Variants in EVL observed in about 807,000 individuals in gnomAD.
EVL encodes Enah/Vasp-like.
In EVL, 21 loss-of-function variants were observed where a neutral mutation model predicts 59.6. The observed-to-expected ratio is 0.35, with a 90% confidence interval of 0.25 to 0.51. EVL has a LOEUF of 0.51. Ranked by LOEUF, EVL falls within the 20% of genes least tolerant of loss-of-function variation. The pLI is 0.97. For synonymous variants in EVL, 198 were observed against 203.5 expected (o/e 0.97, Z 0.23); for missense variants, 462 against 546.6 (o/e 0.85, Z 1.54).
intron 1 of EVL, among the ~76,000 whole-genome samples, chr14:99,993,074 T>C (rs199612106): frequency 6.6e-6 from 1 of 150,870 alleles, no homozygotes; most frequent in Non-Finnish European, 1.5e-5. Flanking sequence ...TTTTTTTTTT[T>C]TGAGACGGAG....
chr14:100,101,835 T>C (rs1267967738), intron 3 of EVL, among the ~76,000 whole-genome samples: 2 of 152,130 alleles, frequency 1.3e-5, no homozygotes, highest in Non-Finnish European at 2.9e-5. Context: ...AACATTTTTA[T>C]TTGCATTTTT....
At chr14:100,106,458 A>C (rs1324470483) in intron 3 of EVL, 1 of 164,650 alleles carries the variant, frequency 6.1e-6, no homozygotes, top group Non-Finnish European at 1.3e-5. Context: ...CAGCAGCAGC[A>C]CTCCCAGTGG....
At chr14:100,006,441 C>T (rs1343018908) in intron 1 of EVL, among the ~76,000 whole-genome samples, 2 of 151,996 alleles carry the variant, frequency 1.3e-5, no homozygotes, top group African/African-American at 4.8e-5. Flanking sequence ...CCTGCCACCA[C>T]ACCTGGCTGG....
intron 3 of EVL, 147 bp from the exon 4 acceptor site, chr14:100,123,392 G>C: frequency 1.4e-6 from 1 of 695,356 alleles, no homozygotes; most frequent in Non-Finnish European, 2.5e-6. Flanking sequence ...GTGATGCACA[G>C]GTGTGAGTGA....
chr14:100,096,786 A>G (rs1885844201), intron 2 of EVL, among the ~76,000 whole-genome samples: 1 of 152,202 alleles, frequency 6.6e-6, no homozygotes, highest in Non-Finnish European at 1.5e-5. Flanking sequence ...AAGCACCTGA[A>G]TGTCTGGATT....
At chr14:100,070,230 T>C (rs75143963) in intron 1 of EVL, among the ~76,000 whole-genome samples, 2,137 of 152,204 alleles carry the variant, frequency 0.014, 53 homozygotes, top group African/African-American at 0.049. Context: ...ATCACACTAC[T>C]GCACTCCACC....
At chr14:99,998,783 A>G (rs974010365) in intron 1 of EVL, among the ~76,000 whole-genome samples, 8 of 152,150 alleles carry the variant, frequency 5.3e-5, no homozygotes, top group Non-Finnish European at 8.8e-5. Flanking sequence ...TATATGCATT[A>G]TATCATTTGA....
chr14:100,055,800 CT>C (rs1327542157), intron 1 of EVL, among the ~76,000 whole-genome samples: 3 of 128,692 alleles, frequency 2.3e-5, no homozygotes, highest in Admixed American at 1.5e-4. Context: ...TGTCTTTTTT[CT>C]TTTTTCTTTT....
In EVL at chr14:100,027,889, G is replaced by A. The variant is rs1036316770; in HGVS notation, c.5+55832G>A. Among the ~76,000 whole-genome samples, 6 of 152,226 alleles carry A rather than the reference G, an allele frequency of 3.9e-5. No homozygotes were observed. In the South Asian group the frequency reaches 6.2e-4, roughly 16 times the overall value. ...AGGGTTCCCACATGTTGGCCAGGCT[G>A]GTCTCAAACTCCTGACCTCAAGTGA... On this transcript the variant is annotated intron_variant, in intron 1 of 13. Coordinates refer to the EVL transcript ENST00000402714.
intron 3 of EVL, chr14:100,105,934 G>A (rs971294685): frequency 2.0e-5 from 3 of 152,264 alleles, no homozygotes; most frequent in African/African-American, 4.8e-5. Flanking sequence ...AGTCGGGGGA[G>A]AACCTGCCCT....
chr14:100,040,898 G>A (rs992441319), intron 1 of EVL, among the ~76,000 whole-genome samples: 2 of 152,150 alleles, frequency 1.3e-5, no homozygotes, highest in Non-Finnish European at 2.9e-5. Context: ...GTAGTTATTA[G>A]CACATTCCCC....
rs1368900140 is a variant in EVL at position 100,143,786 on chromosome 14, G to GGACA, written c.*50_*53dup. 3.1e-6 allele frequency: 5 copies of GGACA among 1,597,754 alleles called. No individual in the cohort carries two copies. In the Admixed American group the frequency reaches 8.5e-5, roughly 27 times the overall value. ...TTCGTCGAGCCCATCCGGCGACAGA[G>GGACA]GACAGCCAGAAGCCCAGCCAGCCCC... On this transcript the variant is annotated 3_prime_UTR_variant, in exon 14 of 14. Coordinates refer to ENST00000392920, the MANE Select transcript of EVL (RefSeq NM_016337.3).
intron 6 of EVL, 129 bp from the exon 7 acceptor site, chr14:100,129,434 C>G: frequency 7.3e-7 from 1 of 1,360,622 alleles, no homozygotes; most frequent in East Asian, 2.5e-5. Flanking sequence ...CAGATGGCCC[C>G]TGAGGCCCCT....
At chr14:100,073,700 C>G (rs567870044) in intron 1 of EVL, among the ~76,000 whole-genome samples, 1 of 152,206 alleles carries the variant, frequency 6.6e-6, no homozygotes, top group East Asian at 1.9e-4. Flanking sequence ...TCATGCCACC[C>G]CCACCACAAA....
In EVL at chr14:100,143,833, C is replaced by T. The variant is rs756400000; in HGVS notation, c.*95C>T. 2.0e-4 allele frequency: 297 copies of T among 1,465,292 alleles called. No homozygotes were observed. The highest frequency in any genetic ancestry group is 2.9e-4 in the South Asian group (24 of 82,654). 90.8% of individuals were successfully genotyped at this position (1,465,292 alleles called of 1,614,324 possible). ...CCCCAGACTCCAGTGCACCAGAGCACGCACAGGAGCCTGGGCGCGCTGCTG... is the reference window on the plus strand; with the variant it reads ...CCCCAGACTCCAGTGCACCAGAGCATGCACAGGAGCCTGGGCGCGCTGCTG... On this transcript the variant is annotated 3_prime_UTR_variant, in exon 14 of 14. Coordinates refer to ENST00000392920, the MANE Select transcript of EVL (RefSeq NM_016337.3).
chr14:99,997,932 T>G (rs2060924088), intron 1 of EVL, among the ~76,000 whole-genome samples: 1 of 152,248 alleles, frequency 6.6e-6, no homozygotes, highest in South Asian at 2.1e-4. Context: ...ACCTCTTGGA[T>G]TCATAGTCTC....
intron 3 of EVL, among the ~76,000 whole-genome samples, chr14:100,115,222 A>G (rs1887259260): frequency 6.6e-6 from 1 of 152,210 alleles, no homozygotes; most frequent in South Asian, 2.1e-4. Context: ...CCTAAGGAAC[A>G]CAGCCTAGTG....
intron 1 of EVL, among the ~76,000 whole-genome samples, chr14:99,983,849 T>C (rs1342329047): frequency 1.3e-5 from 2 of 152,160 alleles, no homozygotes; most frequent in African/African-American, 2.4e-5. Context: ...TGAGGGCCCT[T>C]TCCTGTTAAT....
At chr14:99,992,532 G>T (rs112443349) in intron 1 of EVL, among the ~76,000 whole-genome samples, 1 of 151,988 alleles carries the variant, frequency 6.6e-6, no homozygotes, top group Non-Finnish European at 1.5e-5. Context: ...AAACTTTTCC[G>T]CCACGTTTTC....
Sources: allele counts gnomAD v4.1 joint callset (sites outside exome capture counted in the v4.1 genomes callset), GRCh38; gene constraint gnomAD v4.1.1; transcripts MANE v1.5; gene names NCBI Gene and HGNC (gene_info 2026-07-23, HGNC 2026-07-21).